KLHL7: variants seen among roughly 807,000 people sequenced by gnomAD.
KLHL7 encodes kelch-like protein 7.
Under a neutral mutation model 67.4 loss-of-function variants are expected in KLHL7, and 44 were observed. That is an observed-to-expected ratio of 0.65 (90% confidence interval 0.51 to 0.84). The LOEUF is 0.84. Ranked by LOEUF, KLHL7 falls within the 40% of genes least tolerant of loss-of-function variation. The probability of loss-of-function intolerance (pLI) is 0.00; values close to 1 mark genes in which losing one functional copy is unlikely to be tolerated. For synonymous variants in KLHL7, 252 were observed against 243.3 expected (o/e 1.04, Z -0.33); for missense variants, 362 against 718.1 (o/e 0.50, Z 5.67).
intron 6 of KLHL7, among the ~76,000 whole-genome samples, chr7:23,149,099 A>G (rs1297276244): frequency 6.6e-6 from 1 of 152,218 alleles, no homozygotes. Context: ...AAAATTTTAC[A>G]TCCAAAAGAA....
At chr7:23,128,642 A>G (rs1783676794) in intron 4 of KLHL7, among the ~76,000 whole-genome samples, 1 of 152,026 alleles carries the variant, frequency 6.6e-6, no homozygotes, top group Non-Finnish European at 1.5e-5. Context: ...AATGTAGTAA[A>G]TGTCACGGTA....
intron 6 of KLHL7, among the ~76,000 whole-genome samples, chr7:23,151,162 T>TG (rs112135722): frequency 0.014 from 1,889 of 134,964 alleles, 45 homozygotes; most frequent in African/African-American, 0.056. Flanking sequence ...GTTTTGTTTT[T>TG]TTTTTTTTCT....
At chr7:23,143,653 A>G (rs1006075902) in intron 5 of KLHL7, among the ~76,000 whole-genome samples, 198 bp from the exon 6 acceptor site, 4 of 152,166 alleles carry the variant, frequency 2.6e-5, no homozygotes, top group African/African-American at 9.7e-5. Flanking sequence ...TAGTTCTAAA[A>G]AACATATTAC....
chr7:23,146,630 A>G (rs1429056617), intron 6 of KLHL7, among the ~76,000 whole-genome samples: 1 of 150,212 alleles, frequency 6.7e-6, no homozygotes, highest in Non-Finnish European at 1.5e-5. Flanking sequence ...TTGTGCATTT[A>G]TCACTTATAG....
At chr7:23,117,893 C>G (rs1783161307) in intron 1 of KLHL7, 21 of 1,613,976 alleles carry the variant, frequency 1.3e-5, no homozygotes, top group Non-Finnish European at 1.8e-5. Context: ...GATTTATACT[C>G]AATGCCAATT....
intron 9 of KLHL7, chr7:23,171,094 A>G (rs1320047181): frequency 4.2e-6 from 1 of 235,948 alleles, no homozygotes; most frequent in East Asian, 1.4e-4. Context: ...TTCAGTAGAG[A>G]CGGGGTTTCA....
At chr7:23,120,453 T>C (rs1783288051) in intron 1 of KLHL7, among the ~76,000 whole-genome samples, 1 of 152,250 alleles carries the variant, frequency 6.6e-6, no homozygotes, top group African/African-American at 2.4e-5. Flanking sequence ...GTAGTGATGT[T>C]TCAATGCATA....
rs560038252 is a variant in KLHL7, at chr7:23,123,801, A to G, written c.145A>G (p.Met49Val). The change falls in exon 2 of 11, where the codon ATG (methionine) becomes GTG (valine). Residue 49 changes from methionine to valine, a missense_variant. Physicochemically the swap from Met to Val is conservative, Grantham distance 21. Around this residue, in one of 5 missense-constraint regions of KLHL7, gnomAD observed 57 missense variants for 81.7 expected, o/e 0.70. Coordinates refer to ENST00000339077, the MANE Select transcript of KLHL7 (RefSeq NM_001031710.3). ...GAAAACGTTGTGTGACGTGATCCTC[A>G]TGGTCCAGGAAAGAAAGATACCTGC... is the stretch of plus-strand genomic sequence containing the variant. ...KQKTLCDVIL[M>V]VQERKIPAHR... 5.0e-6 allele frequency: 8 copies of G among 1,613,504 alleles called. No individual in the cohort carries two copies. Among genetic ancestry groups the G allele is most frequent in the South Asian group, 3.3e-5 (3 of 91,056 alleles).
intron 1 of KLHL7, chr7:23,106,723 A>T (rs1386645248): frequency 7.0e-6 from 7 of 993,366 alleles, no homozygotes; most frequent in Admixed American, 5.6e-5. Context: ...CGCCTCTGTT[A>T]TTAAGAGGAG....
intron 9 of KLHL7, among the ~76,000 whole-genome samples, chr7:23,169,536 T>C (rs1212888635): frequency 6.6e-6 from 1 of 152,286 alleles, no homozygotes; most frequent in African/African-American, 2.4e-5. Flanking sequence ...AACTGATTCA[T>C]TCTGCTAATT....
chr7:23,124,190 CAAAAAAAAAAAAAAAAAA>C (rs149801497), intron 2 of KLHL7, among the ~76,000 whole-genome samples: 11 of 25,874 alleles, frequency 4.3e-4, no homozygotes, highest in Admixed American at 1.7e-3. Context: ...GACTCTGTCT[CAAAAAAAAAAAAAAAAAA>C]AAAAAAAAAA....
intron 4 of KLHL7, among the ~76,000 whole-genome samples, chr7:23,133,606 G>A: frequency 6.6e-6 from 1 of 151,760 alleles, no homozygotes. Flanking sequence ...TAATTTTTTT[G>A]TATTTTTAGT....
intron 1 of KLHL7, among the ~76,000 whole-genome samples, chr7:23,111,089 A>C (rs1234433359): frequency 1.3e-5 from 2 of 152,176 alleles, no homozygotes; most frequent in African/African-American, 4.8e-5. Context: ...AATAAATGTA[A>C]TATTGCAACA....
intron 8 of KLHL7, among the ~76,000 whole-genome samples, chr7:23,166,184 G>A (rs1001489331): frequency 8.6e-5 from 13 of 152,046 alleles, no homozygotes; most frequent in South Asian, 4.1e-4. Context: ...TGAAGCATTA[G>A]TTGACATTAT....
intron 4 of KLHL7, among the ~76,000 whole-genome samples, chr7:23,140,202 A>C (rs369538535): frequency 2.9e-4 from 44 of 152,336 alleles, no homozygotes; most frequent in African/African-American, 1.0e-3. Flanking sequence ...TGCAAGAGAA[A>C]ATGTTTAACA....
At chr7:23,110,255 C>A (rs1782810518) in intron 1 of KLHL7, among the ~76,000 whole-genome samples, 1 of 152,194 alleles carries the variant, frequency 6.6e-6, no homozygotes, top group African/African-American at 2.4e-5. Flanking sequence ...TTTTCACTTT[C>A]TACCACCAGA....
intron 4 of KLHL7, among the ~76,000 whole-genome samples, chr7:23,127,310 T>C (rs1174793482): frequency 2.6e-5 from 4 of 152,176 alleles, no homozygotes; most frequent in African/African-American, 9.7e-5. Flanking sequence ...GACCATTTAG[T>C]AGTTTTGCCT....
chr7:23,159,199 G>T (rs1214065086), intron 7 of KLHL7, among the ~76,000 whole-genome samples: 1 of 152,108 alleles, frequency 6.6e-6, no homozygotes, highest in East Asian at 1.9e-4. Context: ...TTAAAACAGG[G>T]TCTTCCTCTG....
At chr7:23,171,811 G>C (rs796655322) in intron 9 of KLHL7, among the ~76,000 whole-genome samples, 3 of 152,176 alleles carry the variant, frequency 2.0e-5, no homozygotes, top group Non-Finnish European at 1.5e-5. Flanking sequence ...CTGGGTTCAC[G>C]CCATTCTCCT....
Sources: allele counts gnomAD v4.1 joint callset (sites outside exome capture counted in the v4.1 genomes callset), GRCh38; gene constraint gnomAD v4.1.1; regional missense constraint gnomAD v4.1.1; transcripts MANE v1.5; gene names NCBI Gene and HGNC (gene_info 2026-07-23, HGNC 2026-07-21).